PLCB4: variants seen among roughly 807,000 people sequenced by gnomAD.
PLCB4 encodes the protein 1-phosphatidylinositol 4,5-bisphosphate phosphodiesterase beta-4.
A neutral mutation model predicts 178.8 loss-of-function variants in PLCB4; 77 were observed. The observed-to-expected ratio is 0.43, with a 90% CI of 0.36 to 0.52. The LOEUF (loss-of-function observed/expected upper bound fraction) is 0.52, where lower values mean the gene tolerates loss of function less well. Among genes scored for constraint, PLCB4 ranks in the 20% least tolerant of loss-of-function variants. The pLI is 0.00. For missense variants in PLCB4, 1,024 were observed against 1,453.4 expected (o/e 0.70, Z 4.80); for synonymous variants, 496 against 490.8 (o/e 1.01, Z -0.14).
At chr20:9,436,808 A>G (rs2041802389) in intron 29 of PLCB4, among the ~76,000 whole-genome samples, 194 bp from the exon 30 acceptor site, 1 of 152,248 alleles carries the variant, frequency 6.6e-6, no homozygotes, top group African/African-American at 2.4e-5. Context: ...TCCAATAGCT[A>G]GAAAAAGAGA....
At chr20:9,151,014 G>A (rs978583015) in intron 2 of PLCB4, among the ~76,000 whole-genome samples, 15 of 151,972 alleles carry the variant, frequency 9.9e-5, no homozygotes, top group African/African-American at 3.4e-4. Flanking sequence ...TAATTTCTGG[G>A]TTTCCCTGAG....
At chr20:9,340,819 T>C (rs1457439050) in intron 7 of PLCB4, among the ~76,000 whole-genome samples, 1 of 152,122 alleles carries the variant, frequency 6.6e-6, no homozygotes, top group Non-Finnish European at 1.5e-5. Context: ...ATATCTGCTC[T>C]TAGGATGATT....
intron 2 of PLCB4, among the ~76,000 whole-genome samples, chr20:9,107,380 G>A (rs1042365485): frequency 1.3e-5 from 2 of 152,162 alleles, no homozygotes; most frequent in Admixed American, 1.3e-4. Context: ...AGAGAAAAGG[G>A]GGAATAGGGA....
intron 32 of PLCB4, among the ~76,000 whole-genome samples, chr20:9,452,827 A>G (rs575654272): frequency 3.0e-4 from 45 of 152,330 alleles, no homozygotes; most frequent in Middle Eastern, 3.4e-3. Context: ...TGACAAACAC[A>G]GTGATGCCTC....
chr20:9,234,958 C>T (rs935113622), intron 3 of PLCB4, among the ~76,000 whole-genome samples: 2 of 152,108 alleles, frequency 1.3e-5, no homozygotes, highest in African/African-American at 2.4e-5. Flanking sequence ...AGCCAAACTC[C>T]ATTACTGCAG....
At chr20:9,460,519 G>A (rs1056202183) in intron 35 of PLCB4, among the ~76,000 whole-genome samples, 2 of 152,214 alleles carry the variant, frequency 1.3e-5, no homozygotes, top group Non-Finnish European at 2.9e-5. Context: ...ATTTTGGCCT[G>A]TGCCCACTTC....
intron 9 of PLCB4, among the ~76,000 whole-genome samples, chr20:9,369,440 T>C (rs957096180): frequency 2.0e-5 from 3 of 152,180 alleles, no homozygotes; most frequent in African/African-American, 7.2e-5. Flanking sequence ...TTACCCCAAA[T>C]TTAATGTATA....
chr20:9,164,802 A>C (rs2092943346), intron 2 of PLCB4, among the ~76,000 whole-genome samples: 1 of 152,122 alleles, frequency 6.6e-6, no homozygotes, highest in Non-Finnish European at 1.5e-5. Context: ...TAAGAGCAAT[A>C]GACTGTCAGG....
At chr20:9,440,518 G>GT (rs754912291) in intron 30 of PLCB4, among the ~76,000 whole-genome samples, 10 of 152,204 alleles carry the variant, frequency 6.6e-5, no homozygotes, top group Non-Finnish European at 1.5e-4. Context: ...TTGAACCACT[G>GT]TAAGTTGAAC....
At chr20:9,342,701 T>G (rs73066408) in intron 7 of PLCB4, among the ~76,000 whole-genome samples, 10,662 of 151,272 alleles carry the variant, frequency 0.07, 416 homozygotes, top group African/African-American at 0.097. Context: ...ATGCCTCAGA[T>G]AGCCAGTTTG....
chr20:9,107,314 GA>G (rs1283411924), intron 2 of PLCB4, among the ~76,000 whole-genome samples: 1 of 152,170 alleles, frequency 6.6e-6, no homozygotes, highest in Non-Finnish European at 1.5e-5. Flanking sequence ...TTCTAGTGGG[GA>G]AGATGGAACA....
chr20:9,303,483 G>A (rs950498661), intron 3 of PLCB4, among the ~76,000 whole-genome samples: 2 of 152,142 alleles, frequency 1.3e-5, no homozygotes, highest in African/African-American at 2.4e-5. Flanking sequence ...ATGTTCTCCA[G>A]TTCCATCCAT....
intron 2 of PLCB4, among the ~76,000 whole-genome samples, chr20:9,176,975 A>G (rs2093166337): frequency 1.3e-5 from 2 of 152,136 alleles, no homozygotes; most frequent in African/African-American, 4.8e-5. Context: ...GTGCAAATGG[A>G]GGAAACTGAG....
intron 13 of PLCB4, among the ~76,000 whole-genome samples, chr20:9,380,507 A>G (rs532322825): frequency 6.6e-6 from 1 of 152,332 alleles, no homozygotes; most frequent in East Asian, 1.9e-4. Flanking sequence ...TTTTTGTCAT[A>G]TAAAAACTTA....
chr20:9,478,415 C>T (rs1490964179), intron 39 of PLCB4, among the ~76,000 whole-genome samples: 1 of 152,170 alleles, frequency 6.6e-6, no homozygotes, highest in African/African-American at 2.4e-5. Flanking sequence ...TATGCTCTCA[C>T]CTGAACTTCT....
intron 28 of PLCB4, among the ~76,000 whole-genome samples, chr20:9,432,441 A>C (rs575149863): frequency 6.6e-6 from 1 of 152,282 alleles, no homozygotes; most frequent in African/African-American, 2.4e-5. Context: ...TTTCCTAACC[A>C]CCCAGTCCTG....
At chr20:9,293,666 A>G (rs2094603855) in intron 3 of PLCB4, among the ~76,000 whole-genome samples, 1 of 121,796 alleles carries the variant, frequency 8.2e-6, no homozygotes, top group African/African-American at 2.7e-5. Flanking sequence ...TTACTGCTAT[A>G]TGCTGGACAC....
intron 3 of PLCB4, among the ~76,000 whole-genome samples, chr20:9,224,864 A>G (rs980861063): frequency 2.5e-4 from 38 of 152,140 alleles, no homozygotes; most frequent in African/African-American, 8.7e-4. Context: ...TTTCATAGGA[A>G]AATCCCTCTC....
intron 30 of PLCB4, among the ~76,000 whole-genome samples, chr20:9,438,856 G>T (rs916805789): frequency 6.6e-6 from 1 of 152,134 alleles, no homozygotes; most frequent in African/African-American, 2.4e-5. Flanking sequence ...GACATAAAAT[G>T]GTTGTTCTGG....
Sources: allele counts gnomAD v4.1 joint callset (sites outside exome capture counted in the v4.1 genomes callset), GRCh38; gene constraint gnomAD v4.1.1; transcripts MANE v1.5; gene names NCBI Gene and HGNC (gene_info 2026-07-23, HGNC 2026-07-21).